The following PCSK2 variants were observed in gnomAD, a reference collection of about 807,000 sequenced individuals.
PCSK2 encodes the protein proprotein convertase subtilisin/kexin type 2.
Under a neutral mutation model 69.7 loss-of-function variants are expected in PCSK2, and 14 were observed. That is an observed-to-expected ratio of 0.20 (90% CI 0.13 to 0.31). PCSK2 has a LOEUF of 0.31. Ranked by LOEUF, PCSK2 falls within the 10% of genes least tolerant of loss-of-function variation. The probability of loss-of-function intolerance (pLI) is 1.00; values close to 1 mark genes in which losing one functional copy is unlikely to be tolerated. For missense variants in PCSK2, 544 were observed against 842.5 expected, an observed-to-expected ratio of 0.65 and a Z score of 4.39; for synonymous variants, 307 against 320.7, an observed-to-expected ratio of 0.96 and a Z score of 0.46.
At chr20:17,253,573 T>A (rs527760580) in intron 1 of PCSK2, among the ~76,000 whole-genome samples, 6 of 152,360 alleles carry the variant, frequency 3.9e-5, no homozygotes, top group African/African-American at 1.4e-4. Flanking sequence ...AATATTCCAT[T>A]GTACATATAT....
At chr20:17,343,228 A>T (rs2123176335) in intron 2 of PCSK2, among the ~76,000 whole-genome samples, 1 of 152,376 alleles carries the variant, frequency 6.6e-6, no homozygotes, top group South Asian at 2.1e-4. Flanking sequence ...TTTGGGAGAC[A>T]GATTCATTTA....
rs58254318 is a variant in PCSK2 at position 17,285,366 on chromosome 20, C to T, written c.282+25022C>T. On this transcript the variant is annotated intron_variant, in intron 2 of 11. Coordinates refer to ENST00000262545, the MANE Select transcript of PCSK2 (RefSeq NM_002594.5). ...AGCAGAAGGAACTTTATTACCATGT[C>T]GATTGATAATTAAAACTGACCTGCT... is the stretch of plus-strand genomic sequence containing the variant. Among the ~76,000 whole-genome samples, 405 of 152,228 alleles carry T rather than the reference C, an allele frequency of 2.7e-3. 3 individuals carry two copies. The highest frequency in any genetic ancestry group is 8.9e-3 in the African/African-American group (370 of 41,534).
At chr20:17,391,148 A>G (rs1322168209) in intron 5 of PCSK2, among the ~76,000 whole-genome samples, 1 of 152,252 alleles carries the variant, frequency 6.6e-6, no homozygotes, top group Non-Finnish European at 1.5e-5. Context: ...AGTACATGCA[A>G]TATTAATTTT....
At chr20:17,415,928 G>C (rs572082728) in intron 6 of PCSK2, among the ~76,000 whole-genome samples, 5 of 152,276 alleles carry the variant, frequency 3.3e-5, no homozygotes, top group African/African-American at 1.2e-4. Context: ...ATGGGGAAAG[G>C]ATTCCCTATT....
intron 5 of PCSK2, among the ~76,000 whole-genome samples, chr20:17,384,836 C>T (rs1055477097): frequency 2.0e-5 from 3 of 151,870 alleles, no homozygotes; most frequent in African/African-American, 4.8e-5. Context: ...GAGGTTGAGA[C>T]GGGAGGATCT....
rs61156656 is a variant in PCSK2, at chr20:17,450,017, C to CTTTTTT, written c.886-3700_886-3695dup. ...TTTTTAAGTTTGTTGAATTTCTTCC[C>CTTTTTT]TTTTTTTTTTTTTTTTTTTTTTTTT... is the stretch of plus-strand genomic sequence containing the variant. On this transcript the variant is annotated intron_variant, in intron 8 of 11. Coordinates refer to ENST00000262545, the MANE Select transcript of PCSK2 (RefSeq NM_002594.5). 7.8e-4 allele frequency among the ~76,000 whole-genome samples: 48 copies of CTTTTTT among 61,832 alleles called. 5 individuals carry two copies. Among genetic ancestry groups the CTTTTTT allele is most frequent in the Admixed American group, 1.9e-3 (7 of 3,646 alleles). 40.6% of individuals were successfully genotyped at this position (61,832 alleles called of 152,430 possible).
chr20:17,365,105 A>G (rs949571309), intron 4 of PCSK2, among the ~76,000 whole-genome samples: 1 of 152,164 alleles, frequency 6.6e-6, no homozygotes, highest in Non-Finnish European at 1.5e-5. Flanking sequence ...ATTTATAAAT[A>G]ACAGAGATGT....
intron 5 of PCSK2, among the ~76,000 whole-genome samples, chr20:17,374,730 G>A (rs2030872787): frequency 6.6e-6 from 1 of 152,084 alleles, no homozygotes; most frequent in Admixed American, 6.6e-5. Flanking sequence ...GAAACAGTGT[G>A]GACCGAGTGG....
chr20:17,335,781 T>C (rs1032770530), intron 2 of PCSK2, among the ~76,000 whole-genome samples: 4 of 151,858 alleles, frequency 2.6e-5, no homozygotes, highest in Admixed American at 2.6e-4. Context: ...TTACTTAGAA[T>C]AATGGTCTCC....
rs189655050 is a variant in PCSK2, at chr20:17,365,518, C to T, written c.506-3722C>T. ...TTTCTAGCCCAGTAGCCCCAAAAGT[C>T]TTGATTTGTTCCAGCACCAACATCA... On this transcript the variant is annotated intron_variant, in intron 4 of 11. Coordinates refer to ENST00000262545, the MANE Select transcript of PCSK2 (RefSeq NM_002594.5). Among the ~76,000 whole-genome samples, 47 of 152,242 alleles carry T rather than the reference C, an allele frequency of 3.1e-4. No homozygotes were observed. The East Asian group carries it at 4.8e-3, about 16-fold the overall frequency.
chr20:17,291,549 T>A (rs6080628), intron 2 of PCSK2, among the ~76,000 whole-genome samples: 15,525 of 152,264 alleles, frequency 0.1, 996 homozygotes, highest in Middle Eastern at 0.15. Context: ...ATCTGTAAGA[T>A]AAATTCCCAG....
chr20:17,292,582 T>C (rs1349442265), intron 2 of PCSK2, among the ~76,000 whole-genome samples: 1 of 152,232 alleles, frequency 6.6e-6, no homozygotes, highest in Non-Finnish European at 1.5e-5. Context: ...ATCAAATATT[T>C]GGATTCAATT....
At chr20:17,232,689 TTGTC>T (rs1482479114) in intron 1 of PCSK2, among the ~76,000 whole-genome samples, 6 of 152,334 alleles carry the variant, frequency 3.9e-5, no homozygotes, top group Admixed American at 1.3e-4. Context: ...TACTTCTACT[TTGTC>T]AGGCAGCCAA....
intron 6 of PCSK2, among the ~76,000 whole-genome samples, chr20:17,412,682 A>G (rs182495628): frequency 1.6e-4 from 25 of 152,298 alleles, no homozygotes; most frequent in South Asian, 1.2e-3. Context: ...TACAGAGAAC[A>G]CCACAAAGAT....
intron 6 of PCSK2, 98 bp downstream of exon 6, chr20:17,409,437 C>T: frequency 1.3e-6 from 1 of 786,908 alleles, no homozygotes; most frequent in Non-Finnish European, 2.2e-6. Flanking sequence ...AAAATAATCC[C>T]CATGCTTCAT....
chr20:17,393,976 G>A (rs1011460013), intron 5 of PCSK2, among the ~76,000 whole-genome samples: 9 of 152,160 alleles, frequency 5.9e-5, no homozygotes, highest in African/African-American at 1.7e-4. Context: ...TTGCTCTACC[G>A]AATTCCAAAG....
At chr20:17,363,365 A>G (rs564835089) in intron 4 of PCSK2, among the ~76,000 whole-genome samples, 1 of 152,342 alleles carries the variant, frequency 6.6e-6, no homozygotes, top group East Asian at 1.9e-4. Context: ...ACATATCACT[A>G]GGAGAGGACC....
rs1478937137 is a variant in PCSK2, at chr20:17,272,644, A to G, written c.282+12300A>G. 2.0e-5 allele frequency among the ~76,000 whole-genome samples: 3 copies of G among 152,108 alleles called. 1 individual carries two copies. In the East Asian group the frequency reaches 5.8e-4, roughly 29 times the overall value. ...AAGAAAAAAGTTAAATAGTACAAAG[A>G]AAAATGACAAAGTTCAGAACCCTCT... On this transcript the variant is annotated intron_variant, in intron 2 of 11. Transcript: ENST00000262545.
chr20:17,232,110 TC>T (rs1986162408), intron 1 of PCSK2, among the ~76,000 whole-genome samples: 1 of 152,204 alleles, frequency 6.6e-6, no homozygotes, highest in East Asian at 1.9e-4. Flanking sequence ...CGTAATCTAA[TC>T]ACAGAAGTGA....
Sources: gnomAD v4.1 joint callset for allele counts (sites outside exome capture counted in the v4.1 genomes callset) on GRCh38, gnomAD v4.1.1 for gene constraint, MANE v1.5 for transcripts, NCBI Gene and HGNC (gene_info 2026-07-23, HGNC 2026-07-21) for gene names.